Variants in ATXN7L1 observed in about 807,000 individuals in gnomAD.
ATXN7L1 encodes the protein ataxin 7 like 1.
ATXN7L1 carries 15 observed loss-of-function variants against 70.8 expected under a neutral mutation model. The ratio of observed to expected loss-of-function variants is 0.21; its 90% CI spans 0.14 to 0.33. The LOEUF is 0.33. Among genes scored for constraint, ATXN7L1 ranks in the 10% least tolerant of loss-of-function variants. The pLI is 1.00. For synonymous variants in ATXN7L1, 440 were observed against 445.1 expected (o/e 0.99, Z 0.14); for missense variants, 975 against 1,097.1 (o/e 0.89, Z 1.57).
chr7:105,708,857 A>G (rs1222412647), intron 3 of ATXN7L1, among the ~76,000 whole-genome samples: 1 of 152,232 alleles, frequency 6.6e-6, no homozygotes, highest in Non-Finnish European at 1.5e-5. Context: ...AACCATAGTC[A>G]CGCGCCCTAT....
At chr7:105,731,955 T>C (rs1796623610) in intron 3 of ATXN7L1, among the ~76,000 whole-genome samples, 3 of 151,620 alleles carry the variant, frequency 2.0e-5, no homozygotes, top group African/African-American at 7.3e-5. Flanking sequence ...TAGCCGGGCA[T>C]GGTAGCGGGC....
chr7:105,821,833 G>A (rs1389841853), intron 2 of ATXN7L1, among the ~76,000 whole-genome samples: 1 of 152,214 alleles, frequency 6.6e-6, no homozygotes, highest in East Asian at 1.9e-4. Context: ...TTGCTCCTGT[G>A]CTCACAACAC....
chr7:105,736,132 C>G (rs1797345490), intron 3 of ATXN7L1, among the ~76,000 whole-genome samples: 1 of 152,182 alleles, frequency 6.6e-6, no homozygotes, highest in South Asian at 2.1e-4. Flanking sequence ...CAGTCCCTCC[C>G]TCTTCTGTGG....
chr7:105,807,637 CT>C (rs1409681940), intron 2 of ATXN7L1, among the ~76,000 whole-genome samples: 1 of 152,348 alleles, frequency 6.6e-6, no homozygotes, highest in East Asian at 1.9e-4. Context: ...TACTTATGCA[CT>C]GGGTTTGTGT....
At chr7:105,803,695 G>A (rs911898739) in intron 2 of ATXN7L1, among the ~76,000 whole-genome samples, 4 of 152,196 alleles carry the variant, frequency 2.6e-5, no homozygotes, top group Non-Finnish European at 5.9e-5. Context: ...TCCATTGCAA[G>A]AATCTGCATT....
intron 2 of ATXN7L1, among the ~76,000 whole-genome samples, chr7:105,789,462 T>A (rs1804809815): frequency 1.3e-5 from 2 of 151,470 alleles, no homozygotes; most frequent in Non-Finnish European, 1.5e-5. Context: ...CCCCTGGGAG[T>A]GTGCGGCAGG....
intron 3 of ATXN7L1, among the ~76,000 whole-genome samples, chr7:105,710,303 A>C (rs1029271987): frequency 6.6e-6 from 1 of 152,172 alleles, no homozygotes; most frequent in Non-Finnish European, 1.5e-5. Context: ...GGGAGGCCTC[A>C]GGAAACTTAC....
intron 3 of ATXN7L1, among the ~76,000 whole-genome samples, chr7:105,667,279 C>T (rs1277073851): frequency 1.3e-5 from 2 of 152,130 alleles, no homozygotes; most frequent in Non-Finnish European, 2.9e-5. Context: ...GATCAGGGTG[C>T]CTCTGTGCTG....
intron 4 of ATXN7L1, among the ~76,000 whole-genome samples, chr7:105,648,989 C>T (rs1209835937): frequency 6.7e-6 from 1 of 149,544 alleles, no homozygotes. Context: ...GGTGACTCAG[C>T]AATTTATTAC....
intron 11 of ATXN7L1, 34 bp from the exon 12 acceptor site, chr7:105,607,924 A>G: frequency 6.5e-7 from 1 of 1,541,860 alleles, no homozygotes; most frequent in Non-Finnish European, 8.8e-7. Context: ...TTGTTTCAAA[A>G]CCATACAGTT....
At chr7:105,744,679 G>A (rs577466925) in intron 3 of ATXN7L1, among the ~76,000 whole-genome samples, 2 of 150,290 alleles carry the variant, frequency 1.3e-5, no homozygotes, top group East Asian at 3.9e-4. Flanking sequence ...GACAGAGACT[G>A]AAGAGACACA....
intron 3 of ATXN7L1, among the ~76,000 whole-genome samples, chr7:105,675,589 C>A (rs1804512555): frequency 6.6e-6 from 1 of 151,398 alleles, no homozygotes; most frequent in Non-Finnish European, 1.5e-5. Context: ...CACGCCACTG[C>A]ACTCTAGCCT....
At chr7:105,671,774 C>T (rs1356763659) in intron 3 of ATXN7L1, among the ~76,000 whole-genome samples, 1 of 150,620 alleles carries the variant, frequency 6.6e-6, no homozygotes, top group East Asian at 2.0e-4. Flanking sequence ...CCTTTAGTCC[C>T]AGCTACTTAG....
rs532170678 is a variant in ATXN7L1 at position 105,849,024 on chromosome 7, C to T, written c.250+26788G>A. On this transcript the variant is annotated intron_variant, in intron 2 of 11. Transcript: ENST00000419735. ...CCTCCATTCCTCCACCTGCAAGTCCCATGACCTAAGGCTTATCCTCCACTC... is the reference window on the plus strand; with the variant it reads ...CCTCCATTCCTCCACCTGCAAGTCCTATGACCTAAGGCTTATCCTCCACTC... Among the ~76,000 whole-genome samples, 3 of 152,354 alleles carry T rather than the reference C, an allele frequency of 2.0e-5. No individual in the cohort carries two copies. In the South Asian group the frequency reaches 6.2e-4, roughly 32 times the overall value.
At chr7:105,807,394 T>C (rs531490947) in intron 2 of ATXN7L1, among the ~76,000 whole-genome samples, 2 of 152,320 alleles carry the variant, frequency 1.3e-5, no homozygotes, top group South Asian at 2.1e-4. Flanking sequence ...AGCCTTTCAT[T>C]TCTTCCTTGA....
intron 3 of ATXN7L1, among the ~76,000 whole-genome samples, chr7:105,690,432 G>A (rs527833005): frequency 1.2e-3 from 189 of 152,290 alleles, no homozygotes; most frequent in African/African-American, 2.6e-3. Flanking sequence ...GGAAATTTCC[G>A]TTTTCACTGT....
chr7:105,749,476 C>T (rs1798941219), intron 3 of ATXN7L1, among the ~76,000 whole-genome samples: 1 of 151,630 alleles, frequency 6.6e-6, no homozygotes, highest in Non-Finnish European at 1.5e-5. Flanking sequence ...GCAGGATGTA[C>T]ACACAGTTGT....
At position 105,606,690 on chromosome 7, in the gene ATXN7L1, C is replaced by A. The variant is rs1184950203; in HGVS notation, c.*1162G>T. 6.6e-6 allele frequency: 1 copy of A among 152,272 alleles called. No individual in the cohort carries two copies. The highest frequency in any genetic ancestry group is 2.4e-5 in the African/African-American group (1 of 41,434). The allele number at this position is 152,272 out of a possible 1,614,324, so 9.4% of individuals were successfully genotyped here. A position where few individuals can be genotyped will look rare whatever the true frequency, so the allele number is the denominator to read the frequency against. On this transcript the variant is annotated 3_prime_UTR_variant, in exon 12 of 12. Coordinates refer to ENST00000419735, the MANE Select transcript of ATXN7L1 (RefSeq NM_020725.2). ...CTGAGCAGTGGCTGTCCTTACCATT[C>A]CTTCATGGGGATGGCTGTCTCTAAG...
chr7:105,676,714 T>TCACAC (rs1477286167), intron 3 of ATXN7L1, among the ~76,000 whole-genome samples: 1 of 151,770 alleles, frequency 6.6e-6, no homozygotes, highest in African/African-American at 2.4e-5. Context: ...GTGGCATGTG[T>TCACAC]CTGTAATCCC....
Sources: gnomAD v4.1 joint callset for allele counts (sites outside exome capture counted in the v4.1 genomes callset) on GRCh38, gnomAD v4.1.1 for gene constraint, MANE v1.5 for transcripts, NCBI Gene and HGNC (gene_info 2026-07-23, HGNC 2026-07-21) for gene names.